Variants in ATP8B4 observed in about 807,000 individuals in gnomAD.
ATP8B4 encodes ATPase phospholipid transporting 8B4 (putative).
In ATP8B4, 133 loss-of-function variants were observed where a neutral mutation model predicts 145.6. The observed-to-expected ratio is 0.91, with a 90% CI of 0.79 to 1.05. ATP8B4 has a LOEUF of 1.05. Among genes scored for constraint, ATP8B4 ranks in the 50% least tolerant of loss-of-function variants. ATP8B4 has a pLI of 0.00. For missense variants in ATP8B4, 1,458 were observed against 1,425.2 expected, an observed-to-expected ratio of 1.02 and a Z score of -0.37; for synonymous variants, 507 against 492.9, an observed-to-expected ratio of 1.03 and a Z score of -0.38.
intron 5 of ATP8B4, among the ~76,000 whole-genome samples, chr15:50,041,312 G>A (rs1273076575): frequency 6.6e-6 from 1 of 152,188 alleles, no homozygotes; most frequent in Non-Finnish European, 1.5e-5. Flanking sequence ...TCCTCAGAAT[G>A]TTCTCTATCC....
intron 2 of ATP8B4, among the ~76,000 whole-genome samples, chr15:50,104,866 T>TACAAACACACACAC (rs1555490760): frequency 1.7e-5 from 2 of 116,318 alleles, no homozygotes; most frequent in Admixed American, 9.0e-5. Flanking sequence ...AAATGTTGCA[T>TACAAACACACACAC]ACACACACAC....
intron 15 of ATP8B4, among the ~76,000 whole-genome samples, chr15:49,933,614 T>G (rs1414334905): frequency 6.6e-6 from 1 of 152,080 alleles, no homozygotes; most frequent in Admixed American, 6.6e-5. Context: ...CATCTGCATC[T>G]ATTAGATATG....
intron 6 of ATP8B4, among the ~76,000 whole-genome samples, chr15:50,038,150 A>T (rs946298478): frequency 2.1e-5 from 3 of 145,078 alleles, no homozygotes; most frequent in African/African-American, 8.6e-5. Context: ...TGATGGAAAG[A>T]AGTTTTAAAA....
chr15:50,140,733 T>C (rs999581602), intron 1 of ATP8B4, among the ~76,000 whole-genome samples: 1 of 152,230 alleles, frequency 6.6e-6, no homozygotes, highest in Admixed American at 6.5e-5. Flanking sequence ...TTTAGAGCAC[T>C]GGTTCCTAAA....
At chr15:49,875,830 G>A (rs1302132316) in intron 25 of ATP8B4, among the ~76,000 whole-genome samples, 2 of 152,194 alleles carry the variant, frequency 1.3e-5, no homozygotes, top group African/African-American at 4.8e-5. Flanking sequence ...ATTCGGATAT[G>A]CCACAGATAT....
intron 1 of ATP8B4, among the ~76,000 whole-genome samples, chr15:50,124,256 C>T (rs28529754): frequency 0.02 from 2,979 of 152,198 alleles, 100 homozygotes; most frequent in African/African-American, 0.068. Context: ...CAACTCCTCC[C>T]CCACCCCAAT....
intron 6 of ATP8B4, among the ~76,000 whole-genome samples, chr15:50,028,794 T>TA (rs1436490246): frequency 6.6e-6 from 1 of 152,160 alleles, no homozygotes; most frequent in Non-Finnish European, 1.5e-5. Flanking sequence ...AATAAGTGTC[T>TA]ACTGAGTGAA....
intron 3 of ATP8B4, among the ~76,000 whole-genome samples, chr15:50,072,925 T>C (rs1419673682): frequency 0.014 from 123 of 8,746 alleles, 1 homozygote; most frequent in African/African-American, 0.051. Flanking sequence ...GCCCGGCCTC[T>C]CTCTCTCTCT....
intron 15 of ATP8B4, 82 bp downstream of exon 15, chr15:49,933,935 G>T: frequency 7.2e-7 from 1 of 1,389,762 alleles, no homozygotes. Context: ...TGCTTAATTT[G>T]TAAATCCTTC....
chr15:50,098,382 C>T (rs4775852), intron 2 of ATP8B4, among the ~76,000 whole-genome samples: 40,681 of 144,242 alleles, frequency 0.28, 6,517 homozygotes, highest in Middle Eastern at 0.47. Flanking sequence ...ACCTTGACCT[C>T]CTGGGCTCAA....
intron 5 of ATP8B4, among the ~76,000 whole-genome samples, chr15:50,041,333 G>GAGCTCTATGTC (rs369665521): frequency 2.6e-4 from 40 of 152,282 alleles, no homozygotes; most frequent in African/African-American, 9.4e-4. Context: ...TTTGAGAATT[G>GAGCTCTATGTC]AGCTCTATGT....
chr15:49,866,501 A>C lies in ATP8B4; in HGVS notation c.3028-17T>G, dbSNP rs1267491392. 2 of 1,612,048 alleles carry C rather than the reference A, an allele frequency of 1.2e-6. No homozygotes were observed. Among genetic ancestry groups the C allele is most frequent in the East Asian group, 4.5e-5 (2 of 44,834 alleles). ...CAAGGCTATCTGTAAATAAAATCAA[A>C]TGCAAACGGGAGGTCTTTGAGGATT... On this transcript the variant is annotated splice_polypyrimidine_tract_variant and intron_variant, in intron 25 of 27. Coordinates refer to ENST00000284509, the MANE Select transcript of ATP8B4 (RefSeq NM_024837.4).
chr15:49,965,468 G>A (rs145178627), intron 13 of ATP8B4, among the ~76,000 whole-genome samples: 21 of 152,266 alleles, frequency 1.4e-4, no homozygotes, highest in South Asian at 6.2e-4. Context: ...AGAAAGTTCC[G>A]CAGAGCCTCT....
At chr15:50,093,789 AT>A (rs2055770263) in intron 2 of ATP8B4, among the ~76,000 whole-genome samples, 1 of 152,172 alleles carries the variant, frequency 6.6e-6, no homozygotes, top group Non-Finnish European at 1.5e-5. Context: ...AAGTAAAAAA[AT>A]GTGAAAATAT....
Position 49,904,114 on chromosome 15 carries a change from A to T in ATP8B4, c.2142-2875T>A, listed in dbSNP as rs982267972. On this transcript the variant is annotated intron_variant, in intron 20 of 27. Coordinates refer to ENST00000284509, the MANE Select transcript of ATP8B4 (RefSeq NM_024837.4). Reference sequence around the variant, plus strand: ...AGCGACAGATCCATGGCTGGAACCTACGTCTTCATATTCACAGTTCTTGGT... The same window carrying T: ...AGCGACAGATCCATGGCTGGAACCTTCGTCTTCATATTCACAGTTCTTGGT... Among the ~76,000 whole-genome samples the T allele has an allele frequency of 2.6e-5, 4 of 152,076 alleles. No homozygotes were observed. In the East Asian group the frequency reaches 7.7e-4, roughly 29 times the overall value.
rs543411394 is a variant in ATP8B4 at position 50,010,392 on chromosome 15, T to C, written c.435+453A>G. Among the ~76,000 whole-genome samples the C allele has an allele frequency of 1.1e-4, 16 of 152,152 alleles. No homozygotes were observed. In the South Asian group the frequency reaches 3.3e-3, roughly 32 times the overall value. On this transcript the variant is annotated intron_variant, in intron 7 of 27. Coordinates refer to ENST00000284509, the MANE Select transcript of ATP8B4 (RefSeq NM_024837.4). ...TTAATTCAGCACAATCAATACACAT[T>C]TTCTAATTTTTAAGGAAGAAACATA...
At chr15:50,148,946 G>A (rs1233605603) in intron 1 of ATP8B4, among the ~76,000 whole-genome samples, 2 of 152,070 alleles carry the variant, frequency 1.3e-5, no homozygotes, top group Non-Finnish European at 2.9e-5. Context: ...CTCTCAAATG[G>A]TTCAACATCA....
intron 13 of ATP8B4, among the ~76,000 whole-genome samples, chr15:49,964,213 C>G (rs947818328): frequency 6.6e-6 from 1 of 151,988 alleles, no homozygotes; most frequent in Admixed American, 6.6e-5. Flanking sequence ...TGGGAGGAGT[C>G]CCTGAGCTAG....
intron 2 of ATP8B4, among the ~76,000 whole-genome samples, chr15:50,104,989 G>A (rs2056597720): frequency 6.6e-6 from 1 of 152,008 alleles, no homozygotes; most frequent in Non-Finnish European, 1.5e-5. Flanking sequence ...TCTAAGTGAA[G>A]TAACTCAGGA....
Sources: gnomAD v4.1 joint callset for allele counts (sites outside exome capture counted in the v4.1 genomes callset) on GRCh38, gnomAD v4.1.1 for gene constraint, MANE v1.5 for transcripts, NCBI Gene and HGNC (gene_info 2026-07-23, HGNC 2026-07-21) for gene names.